LRP1B: variants seen among roughly 807,000 people sequenced by gnomAD.
LRP1B encodes the protein low-density lipoprotein receptor-related protein 1B.
LRP1B carries 217 observed loss-of-function variants against 556.6 expected under a neutral mutation model. The ratio of observed to expected loss-of-function variants is 0.39; its 90% confidence interval spans 0.35 to 0.44. LRP1B has a LOEUF of 0.44. Among genes scored for constraint, LRP1B ranks in the 20% least tolerant of loss-of-function variants. The pLI is 1.00. For synonymous variants in LRP1B, 2,047 were observed against 1,865.8 expected (o/e 1.10, Z -2.50); for missense variants, 5,053 against 5,620.8 (o/e 0.90, Z 3.23).
chr2:141,294,635 A>T (rs1163494496), intron 3 of LRP1B, among the ~76,000 whole-genome samples: 1 of 151,792 alleles, frequency 6.6e-6, no homozygotes. Flanking sequence ...AGTTATTTAA[A>T]AGGCTGAGGT....
chr2:141,532,854 T>C (rs180980294), intron 2 of LRP1B, among the ~76,000 whole-genome samples: 2 of 152,106 alleles, frequency 1.3e-5, no homozygotes, highest in Admixed American at 1.3e-4. Context: ...GGTATGGTGG[T>C]GCATGCCGGT....
At position 140,880,693 on chromosome 2, in the gene LRP1B, T is replaced by C. The variant is rs572826885; in HGVS notation, c.4169+3124A>G. Among the ~76,000 whole-genome samples, 6 of 152,314 alleles carry C rather than the reference T, an allele frequency of 3.9e-5. No homozygotes were observed. In the South Asian group the frequency reaches 1.0e-3, roughly 26 times the overall value. On this transcript the variant is annotated intron_variant, in intron 25 of 90. Coordinates refer to ENST00000389484, the MANE Select transcript of LRP1B (RefSeq NM_018557.3). ...TTTGTGAGGCTAGTGTTAGGGCCTG[T>C]TTGTTTTCTCAGCTGTGTTAAGGGA...
chr2:141,615,990 A>G (rs903110118), intron 2 of LRP1B, among the ~76,000 whole-genome samples: 1 of 152,042 alleles, frequency 6.6e-6, no homozygotes, highest in African/African-American at 2.4e-5. Context: ...TCCTCGTTGT[A>G]AAAAAAATGC....
At chr2:141,995,861 G>A (rs1702474596) in intron 1 of LRP1B, among the ~76,000 whole-genome samples, 2 of 152,156 alleles carry the variant, frequency 1.3e-5, no homozygotes, top group South Asian at 2.1e-4. Flanking sequence ...TTCTGTTGGG[G>A]AAATTCACAA....
intron 31 of LRP1B, among the ~76,000 whole-genome samples, chr2:140,837,056 TAATACTA>T: frequency 6.6e-6 from 1 of 152,342 alleles, no homozygotes; most frequent in South Asian, 2.1e-4. Context: ...CTTAGAGTCT[TAATACTA>T]CAATCATATG....
At chr2:140,364,938 T>C (rs17477758) in intron 71 of LRP1B, among the ~76,000 whole-genome samples, 155 bp from the exon 72 acceptor site, 3,075 of 151,510 alleles carry the variant, frequency 0.02, 36 homozygotes, top group African/African-American at 0.028. Context: ...GAACAAGTAA[T>C]ATTCAATTTT....
rs201628193 is a variant in LRP1B, at chr2:141,169,287, A to AAAATAAAT, written c.1013+19126_1013+19133dup. On this transcript the variant is annotated intron_variant, in intron 7 of 90. Coordinates refer to ENST00000389484, the MANE Select transcript of LRP1B (RefSeq NM_018557.3). ...GGTGACAAAGCAAGACTCTGTCTCA[A>AAAATAAAT]AAATAAATAAATAAATAAATAAATA... Among the ~76,000 whole-genome samples the AAAATAAAT allele has an allele frequency of 1.3e-3, 184 of 137,834 alleles. 1 individual carries two copies. Among genetic ancestry groups the AAAATAAAT allele is most frequent in the Middle Eastern group, 7.2e-3 (2 of 276 alleles). 90.4% of individuals were successfully genotyped at this position (137,834 alleles called of 152,430 possible). A position where few individuals can be genotyped will look rare whatever the true frequency, so the allele number is the denominator to read the frequency against.
chr2:141,865,583 C>T (rs1698385065), intron 1 of LRP1B, among the ~76,000 whole-genome samples: 1 of 120,286 alleles, frequency 8.3e-6, no homozygotes, highest in Non-Finnish European at 1.6e-5. Context: ...CAGAGCGAGA[C>T]TCCGTCTCAA....
chr2:141,431,862 T>C (rs920307619), intron 3 of LRP1B, among the ~76,000 whole-genome samples: 45 of 152,288 alleles, frequency 3.0e-4, no homozygotes, highest in African/African-American at 1.1e-3. Context: ...AAGTAGTTTG[T>C]GGATTTCTTA....
At chr2:140,650,435 G>A (rs968016126) in intron 41 of LRP1B, among the ~76,000 whole-genome samples, 5 of 151,548 alleles carry the variant, frequency 3.3e-5, no homozygotes, top group African/African-American at 9.7e-5. Context: ...TGCAACCTCC[G>A]CTTTCTGGGT....
chr2:140,837,705 C>A (rs1016730851), intron 31 of LRP1B, among the ~76,000 whole-genome samples: 1 of 151,732 alleles, frequency 6.6e-6, no homozygotes. Flanking sequence ...AAACCAAACA[C>A]CGCATATTCT....
chr2:140,839,086 T>A (rs1692013786), intron 31 of LRP1B, among the ~76,000 whole-genome samples: 1 of 152,156 alleles, frequency 6.6e-6, no homozygotes, highest in Non-Finnish European at 1.5e-5. Flanking sequence ...CAAAACCTTG[T>A]AATTATCAAT....
chr2:141,959,682 C>T (rs1047459707), intron 1 of LRP1B, among the ~76,000 whole-genome samples: 1 of 151,736 alleles, frequency 6.6e-6, no homozygotes, highest in African/African-American at 2.4e-5. Context: ...AATATTATTT[C>T]AACATACAAT....
At chr2:140,556,044 A>G (rs16844253) in intron 43 of LRP1B, among the ~76,000 whole-genome samples, 4,275 of 152,170 alleles carry the variant, frequency 0.028, 79 homozygotes, top group African/African-American at 0.048. Flanking sequence ...AAGATTTTCA[A>G]TTCTGGAAAT....
chr2:140,346,126 A>T (rs1681670831), intron 77 of LRP1B, among the ~76,000 whole-genome samples: 1 of 151,480 alleles, frequency 6.6e-6, no homozygotes, highest in Non-Finnish European at 1.5e-5. Flanking sequence ...TGTTATTATT[A>T]TTATTCTATT....
intron 3 of LRP1B, among the ~76,000 whole-genome samples, chr2:141,260,646 T>C (rs2105350601): frequency 6.6e-6 from 1 of 152,350 alleles, no homozygotes; most frequent in Admixed American, 6.5e-5. Flanking sequence ...GTCAATAGCA[T>C]TATGCTGCTG....
At chr2:141,344,851 G>A (rs2714219) in intron 3 of LRP1B, among the ~76,000 whole-genome samples, 85,735 of 151,932 alleles carry the variant, frequency 0.56, 24,836 homozygotes, top group Middle Eastern at 0.61. Flanking sequence ...ATATTGCAGT[G>A]GACAGAATAA....
intron 2 of LRP1B, among the ~76,000 whole-genome samples, chr2:141,787,026 C>A (rs1459290845): frequency 6.6e-6 from 1 of 151,814 alleles, no homozygotes; most frequent in Non-Finnish European, 1.5e-5. Context: ...CATTTTATAT[C>A]CTTTTGTATT....
intron 20 of LRP1B, among the ~76,000 whole-genome samples, chr2:140,944,906 G>A (rs776116914): frequency 2.6e-5 from 4 of 152,094 alleles, no homozygotes; most frequent in Non-Finnish European, 5.9e-5. Context: ...GGAATCCCCA[G>A]AGAGAGCAAT....
Sources: gnomAD v4.1 joint callset for allele counts (sites outside exome capture counted in the v4.1 genomes callset) on GRCh38, gnomAD v4.1.1 for gene constraint, MANE v1.5 for transcripts, NCBI Gene and HGNC (gene_info 2026-07-23, HGNC 2026-07-21) for gene names.